PRICKLE1: variants seen among roughly 807,000 people sequenced by gnomAD.
PRICKLE1 encodes prickle planar cell polarity protein 1.
In PRICKLE1, 14 loss-of-function variants were observed where a neutral mutation model predicts 70.2. The ratio of observed to expected loss-of-function variants is 0.20; its 90% CI spans 0.13 to 0.31. PRICKLE1 has a LOEUF of 0.31. Ranked by LOEUF, PRICKLE1 falls within the 10% of genes least tolerant of loss-of-function variation. The pLI, the probability that PRICKLE1 is intolerant of heterozygous loss-of-function variation, is 1.00. For synonymous variants in PRICKLE1, 357 were observed against 379.9 expected (o/e 0.94, Z 0.70); for missense variants, 821 against 1,026.2 (o/e 0.80, Z 2.73).
intron 1 of PRICKLE1, among the ~76,000 whole-genome samples, chr12:42,581,247 A>T (rs888146188): frequency 1.3e-5 from 2 of 152,264 alleles, no homozygotes; most frequent in East Asian, 3.9e-4. Context: ...ATATGAAGAA[A>T]CTGAAGCCCA....
intron 5 of PRICKLE1, among the ~76,000 whole-genome samples, chr12:42,468,260 T>C (rs1294357000): frequency 6.6e-6 from 1 of 152,208 alleles, no homozygotes; most frequent in Non-Finnish European, 1.5e-5. Context: ...CAAATACATA[T>C]ATCATATTGT....
intron 1 of PRICKLE1, among the ~76,000 whole-genome samples, chr12:42,505,052 T>TGG (rs1193203007): frequency 6.6e-6 from 1 of 152,090 alleles, no homozygotes; most frequent in East Asian, 1.9e-4. Flanking sequence ...GGCAGGAGAA[T>TGG]CACTTGAACC....
At position 42,531,264 on chromosome 12, in the gene PRICKLE1, T is replaced by G. The variant is rs1282881023; in HGVS notation, c.-49+58201A>C. ...GGTTTCACCGTGTTAGCCAGGATGGTCTCGATCTCCTGACCTTGTGATCCA... is the reference window on the plus strand; with the variant it reads ...GGTTTCACCGTGTTAGCCAGGATGGGCTCGATCTCCTGACCTTGTGATCCA... On this transcript the variant is annotated intron_variant, in intron 1 of 7. Transcript: ENST00000345127. Among the ~76,000 whole-genome samples, 4 of 151,630 alleles carry G rather than the reference T, an allele frequency of 2.6e-5. No individual in the cohort carries two copies. In the East Asian group the frequency reaches 7.8e-4, roughly 30 times the overall value.
intron 1 of PRICKLE1, among the ~76,000 whole-genome samples, chr12:42,509,996 C>T (rs1939483408): frequency 6.6e-6 from 1 of 151,818 alleles, no homozygotes; most frequent in African/African-American, 2.4e-5. Flanking sequence ...TTGCTTGAAC[C>T]CGCAAGGTGG....
In PRICKLE1 at chr12:42,459,428, T is replaced by TAATG; in HGVS notation, c.*380_*381insCATT. On this transcript the variant is annotated 3_prime_UTR_variant, in exon 8 of 8. Transcript: ENST00000345127. ...TATCAAGACCTGAGCCGACCTGACTTACATAAATGACAAACACTAGTGCTT... is the reference window on the plus strand; with the variant it reads ...TATCAAGACCTGAGCCGACCTGACTTAATGACATAAATGACAAACACTAGTGCTT... 1 of 695,030 alleles carries TAATG rather than the reference T, an allele frequency of 1.4e-6. No individual in the cohort carries two copies. Among genetic ancestry groups the TAATG allele is most frequent in the South Asian group, 1.5e-5 (1 of 66,430 alleles). The allele number at this position is 695,030 out of a possible 1,614,324, so 43.1% of individuals were successfully genotyped here. A position where few individuals can be genotyped will look rare whatever the true frequency, so the allele number is the denominator to read the frequency against.
At chr12:42,537,657 T>C (rs1042957719) in intron 1 of PRICKLE1, among the ~76,000 whole-genome samples, 3 of 152,210 alleles carry the variant, frequency 2.0e-5, no homozygotes, top group African/African-American at 7.2e-5. Context: ...ATTGAAGCCT[T>C]GGAGATTTAG....
intron 1 of PRICKLE1, among the ~76,000 whole-genome samples, chr12:42,575,661 T>G (rs1940792778): frequency 6.6e-6 from 1 of 151,150 alleles, no homozygotes. Context: ...GCCATTGTAC[T>G]CCAGCCTGGG....
At chr12:42,573,020 A>T (rs1006132961) in intron 1 of PRICKLE1, among the ~76,000 whole-genome samples, 5 of 151,410 alleles carry the variant, frequency 3.3e-5, no homozygotes, top group East Asian at 3.9e-4. Context: ...TGTTTAAAAA[A>T]TTTTTTTTTA....
chr12:42,548,392 A>C (rs1940248622), intron 1 of PRICKLE1, among the ~76,000 whole-genome samples: 1 of 152,240 alleles, frequency 6.6e-6, no homozygotes, highest in African/African-American at 2.4e-5. Flanking sequence ...CGAACATATT[A>C]ACACATATAT....
chr12:42,537,336 A>T (rs932953800), intron 1 of PRICKLE1, among the ~76,000 whole-genome samples: 38 of 151,796 alleles, frequency 2.5e-4, no homozygotes, highest in Non-Finnish European at 3.5e-4. Flanking sequence ...TTTAAAAAAA[A>T]ATTTTTTTTG....
intron 7 of PRICKLE1, among the ~76,000 whole-genome samples, chr12:42,462,992 T>TA (rs1267409930): frequency 1.3e-5 from 2 of 152,206 alleles, no homozygotes; most frequent in Admixed American, 6.5e-5. Flanking sequence ...ATTTTAAAGA[T>TA]AAAATGTGGA....
intron 1 of PRICKLE1, among the ~76,000 whole-genome samples, chr12:42,519,163 T>C (rs1217768074): frequency 6.6e-6 from 1 of 151,560 alleles, no homozygotes; most frequent in Non-Finnish European, 1.5e-5. Context: ...TCCACAGTGT[T>C]GCTTTACTGA....
chr12:42,464,154 G>A lies in PRICKLE1; in HGVS notation c.1639+241C>T, dbSNP rs534493420. ...AGCAATTCTCTTGCCTCAGCCTCCCGAGTAGCTGGGATCACAGGCCCATGC... is the reference window on the plus strand; with the variant it reads ...AGCAATTCTCTTGCCTCAGCCTCCCAAGTAGCTGGGATCACAGGCCCATGC... On this transcript the variant is annotated intron_variant, in intron 7 of 7. Coordinates refer to ENST00000345127, the MANE Select transcript of PRICKLE1 (RefSeq NM_153026.3). This position sits in a 1 kb window ranked among gnomAD's most constrained non-coding sequence, Gnocchi z 4.2. Among the ~76,000 whole-genome samples the A allele has an allele frequency of 2.6e-5, 4 of 151,984 alleles. No individual in the cohort carries two copies. The highest frequency in any genetic ancestry group is 2.1e-4 in the South Asian group (1 of 4,802).
intron 1 of PRICKLE1, among the ~76,000 whole-genome samples, chr12:42,486,884 G>A (rs1236353997): frequency 6.6e-6 from 1 of 152,160 alleles, no homozygotes; most frequent in Non-Finnish European, 1.5e-5. Flanking sequence ...GAGATCAAAG[G>A]CTCTGATAAT....
intron 1 of PRICKLE1, among the ~76,000 whole-genome samples, chr12:42,518,152 T>C (rs1939642171): frequency 6.6e-6 from 1 of 151,896 alleles, no homozygotes; most frequent in Non-Finnish European, 1.5e-5. Flanking sequence ...AGGGTGATCC[T>C]ACTGCCTCAG....
At chr12:42,494,232 T>C (rs1939155323) in intron 1 of PRICKLE1, among the ~76,000 whole-genome samples, 3 of 152,208 alleles carry the variant, frequency 2.0e-5, no homozygotes, top group South Asian at 2.1e-4. Context: ...GTTGGGATGA[T>C]TGTGACAATT....
intron 1 of PRICKLE1, among the ~76,000 whole-genome samples, chr12:42,476,269 G>A (rs1376782235): frequency 2.0e-5 from 3 of 150,346 alleles, no homozygotes; most frequent in African/African-American, 2.4e-5. Context: ...CGCAACCTCT[G>A]CCTCCCAGGT....
In PRICKLE1 at chr12:42,466,015, G is replaced by C. The variant is rs550057567; in HGVS notation, c.775+179C>G. 81 of 696,028 alleles carry C rather than the reference G, an allele frequency of 1.2e-4. 1 individual carries two copies. The highest frequency in any genetic ancestry group is 3.9e-4 in the Middle Eastern group (1 of 2,564). 43.1% of individuals were successfully genotyped at this position (696,028 alleles called of 1,614,324 possible). A position where few individuals can be genotyped will look rare whatever the true frequency, so the allele number is the denominator to read the frequency against. ...AGAACACAACTACTGCAAGTAACAA[G>C]AATCAACTCTCTGTTCATTTGTCAA... On this transcript the variant is annotated intron_variant, in intron 6 of 7. Transcript: ENST00000345127.
rs146074161 is a variant in PRICKLE1, at chr12:42,537,654, C to A, written c.-49+51811G>T. Reference sequence around the variant, plus strand: ...ACTGTGTACCAGACAGTGATTGAAGCCTTGGAGATTTAGTGGAAAACAAGA... The same window carrying A: ...ACTGTGTACCAGACAGTGATTGAAGACTTGGAGATTTAGTGGAAAACAAGA... On this transcript the variant is annotated intron_variant, in intron 1 of 7. Transcript: ENST00000345127. Among the ~76,000 whole-genome samples the A allele has an allele frequency of 2.8e-3, 425 of 152,260 alleles. 2 individuals are homozygous for A. The highest frequency in any genetic ancestry group is 9.6e-3 in the African/African-American group (397 of 41,546).
Sources: gnomAD v4.1 joint callset for allele counts (sites outside exome capture counted in the v4.1 genomes callset) on GRCh38, gnomAD v4.1.1 for gene constraint, Gnocchi (gnomAD v3.1) non-coding constraint, MANE v1.5 for transcripts, NCBI Gene and HGNC (gene_info 2026-07-23, HGNC 2026-07-21) for gene names.